Variants in ATRNL1 observed in about 807,000 individuals in gnomAD.
The protein encoded by ATRNL1 is attractin-like protein 1.
ATRNL1 carries 95 observed loss-of-function variants against 182.7 expected under a neutral mutation model. The ratio of observed to expected loss-of-function variants is 0.52; its 90% CI spans 0.44 to 0.62. The LOEUF is 0.62. Among genes scored for constraint, ATRNL1 ranks in the 20% least tolerant of loss-of-function variants. ATRNL1 has a pLI of 0.00. For missense variants in ATRNL1, 1,471 were observed against 1,679.5 expected (o/e 0.88, Z 2.17); for synonymous variants, 576 against 568.3 (o/e 1.01, Z -0.19).
At chr10:115,723,077 G>A (rs1316705038) in intron 26 of ATRNL1, among the ~76,000 whole-genome samples, 1 of 151,994 alleles carries the variant, frequency 6.6e-6, no homozygotes, top group Non-Finnish European at 1.5e-5. Flanking sequence ...AGTATTGTGG[G>A]GAATGAAAAA....
intron 8 of ATRNL1, among the ~76,000 whole-genome samples, chr10:115,202,166 G>A (rs1264771): frequency 0.03 from 4,582 of 152,174 alleles, 84 homozygotes; most frequent in African/African-American, 0.042. Context: ...ATACAATCAT[G>A]TCATCTGCAA....
chr10:115,436,407 T>C (rs1246124069), intron 21 of ATRNL1, among the ~76,000 whole-genome samples: 1 of 152,136 alleles, frequency 6.6e-6, no homozygotes, highest in Non-Finnish European at 1.5e-5. Context: ...ACTGAATGAA[T>C]TTAAATGTAT....
intron 24 of ATRNL1, among the ~76,000 whole-genome samples, chr10:115,470,546 TTA>T: frequency 6.6e-6 from 1 of 150,794 alleles, no homozygotes; most frequent in South Asian, 2.1e-4. Flanking sequence ...CACTTAGTAA[TTA>T]GTTATTAAAA....
chr10:115,510,715 C>T (rs1314521963), intron 24 of ATRNL1, among the ~76,000 whole-genome samples: 1 of 151,920 alleles, frequency 6.6e-6, no homozygotes, highest in Non-Finnish European at 1.5e-5. Context: ...CCAACATATG[C>T]CTGTACTGTT....
At chr10:115,893,794 C>T (rs114313335) in intron 28 of ATRNL1, among the ~76,000 whole-genome samples, 2,580 of 152,198 alleles carry the variant, frequency 0.017, 67 homozygotes, top group African/African-American at 0.058. Flanking sequence ...AGGACCCCCA[C>T]GCAAACAATA....
At chr10:115,934,965 A>T (rs1555122536) in intron 28 of ATRNL1, among the ~76,000 whole-genome samples, 1 of 152,134 alleles carries the variant, frequency 6.6e-6, no homozygotes, top group African/African-American at 2.4e-5. Context: ...CAGTATCCAG[A>T]ACACACCACA....
chr10:115,671,249 G>T (rs1194837557), intron 26 of ATRNL1, among the ~76,000 whole-genome samples: 1 of 152,038 alleles, frequency 6.6e-6, no homozygotes, highest in Non-Finnish European at 1.5e-5. Flanking sequence ...ATTTTTCTAA[G>T]AACTGTTAAT....
chr10:115,334,692 A>C (rs1855400112), intron 19 of ATRNL1, among the ~76,000 whole-genome samples: 1 of 152,198 alleles, frequency 6.6e-6, no homozygotes, highest in African/African-American at 2.4e-5. Flanking sequence ...AACACCTACT[A>C]TCTCACTATT....
chr10:115,340,629 A>G (rs931552393), intron 19 of ATRNL1, among the ~76,000 whole-genome samples: 3 of 151,506 alleles, frequency 2.0e-5, no homozygotes, highest in Non-Finnish European at 4.4e-5. Flanking sequence ...AATGTTTGGT[A>G]GAATTCAGCT....
chr10:115,325,676 A>G (rs1854834752), intron 18 of ATRNL1, among the ~76,000 whole-genome samples: 2 of 152,102 alleles, frequency 1.3e-5, no homozygotes, highest in South Asian at 2.1e-4. Flanking sequence ...TGTTTTCAGA[A>G]TTTTTCTTAT....
In ATRNL1 at chr10:115,516,295, C is replaced by A. The variant is rs372822219; in HGVS notation, c.3655-2968C>A. On this transcript the variant is annotated intron_variant, in intron 24 of 28. Coordinates refer to ENST00000355044, the MANE Select transcript of ATRNL1 (RefSeq NM_207303.4). Reference sequence around the variant, plus strand: ...CAAACTACAATAGTCATGACTGATTCTTCTCCTTCATTCACCTGTCATATC... The same window carrying A: ...CAAACTACAATAGTCATGACTGATTATTCTCCTTCATTCACCTGTCATATC... 1.1e-4 allele frequency among the ~76,000 whole-genome samples: 16 copies of A among 151,862 alleles called. No individual in the cohort carries two copies. In the East Asian group the frequency reaches 2.7e-3, roughly 26 times the overall value.
At chr10:115,847,376 G>A (rs986014585) in intron 27 of ATRNL1, among the ~76,000 whole-genome samples, 3 of 151,930 alleles carry the variant, frequency 2.0e-5, no homozygotes, top group Non-Finnish European at 2.9e-5. Flanking sequence ...CTCTTTCCAC[G>A]AAAAAATAGG....
chr10:115,438,852 A>G (rs1330769826), intron 21 of ATRNL1, among the ~76,000 whole-genome samples: 7 of 151,840 alleles, frequency 4.6e-5, no homozygotes, highest in African/African-American at 1.7e-4. Context: ...ATTTTTGGAG[A>G]GAAACATAAC....
chr10:115,234,790 T>C (rs7077627), intron 9 of ATRNL1, among the ~76,000 whole-genome samples: 9 of 152,018 alleles, frequency 5.9e-5, no homozygotes, highest in African/African-American at 2.2e-4. Context: ...GGTTTTGCTA[T>C]GTTGCCCTGG....
intron 19 of ATRNL1, among the ~76,000 whole-genome samples, chr10:115,387,490 T>C (rs1858431271): frequency 6.6e-6 from 1 of 152,214 alleles, no homozygotes; most frequent in South Asian, 2.1e-4. Flanking sequence ...AAAATTATTA[T>C]GAAATCCACA....
chr10:115,825,127 C>T (rs1950398759), intron 27 of ATRNL1, among the ~76,000 whole-genome samples: 1 of 151,820 alleles, frequency 6.6e-6, no homozygotes, highest in African/African-American at 2.4e-5. Flanking sequence ...ATTCTCAACA[C>T]AGGAACTAAC....
intron 28 of ATRNL1, among the ~76,000 whole-genome samples, chr10:115,930,538 C>T (rs1410436680): frequency 1.3e-5 from 2 of 152,140 alleles, no homozygotes; most frequent in East Asian, 3.8e-4. Flanking sequence ...GAATGAAAAT[C>T]AAATTTGGGG....
chr10:115,634,986 T>G (rs1555027537), intron 26 of ATRNL1, among the ~76,000 whole-genome samples: 1 of 152,112 alleles, frequency 6.6e-6, no homozygotes, highest in Non-Finnish European at 1.5e-5. Context: ...CTGTAGAAAT[T>G]TTAATAAATG....
intron 26 of ATRNL1, among the ~76,000 whole-genome samples, chr10:115,709,299 T>A (rs1355534947): frequency 1.3e-5 from 2 of 151,948 alleles, no homozygotes; most frequent in East Asian, 1.9e-4. Context: ...TTTGTTGGCA[T>A]GTCACACATT....
Sources: gnomAD v4.1 joint callset for allele counts (sites outside exome capture counted in the v4.1 genomes callset) on GRCh38, gnomAD v4.1.1 for gene constraint, MANE v1.5 for transcripts, NCBI Gene and HGNC (gene_info 2026-07-23, HGNC 2026-07-21) for gene names.